Variants in BPIFB6 observed in about 807,000 individuals in gnomAD.
BPIFB6 encodes the protein BPI fold containing family B member 6, also known as BPI fold-containing family B member 6.
In BPIFB6, 47 loss-of-function variants were observed where a neutral mutation model predicts 54.7. That is an observed-to-expected ratio of 0.86 (90% CI 0.68 to 1.10). BPIFB6 has a LOEUF of 1.10. Ranked by LOEUF, BPIFB6 falls within the 50% of genes least tolerant of loss-of-function variation. The pLI is 0.00. For missense variants in BPIFB6, 603 were observed against 564.1 expected (o/e 1.07, Z -0.70); for synonymous variants, 255 against 225.9 (o/e 1.13, Z -1.16).
At chr20:33,041,437 G>A (rs1156253288) in intron 11 of BPIFB6, among the ~76,000 whole-genome samples, 1 of 152,150 alleles carries the variant, frequency 6.6e-6, no homozygotes, top group African/African-American at 2.4e-5. Flanking sequence ...AGACTCACCC[G>A]AGGGACTTTG....
intron 11 of BPIFB6, 120 bp downstream of exon 11, chr20:33,040,438 T>C (rs1979534286): frequency 1.1e-6 from 1 of 893,446 alleles, no homozygotes; most frequent in Non-Finnish European, 1.8e-6. Flanking sequence ...CAGGCTGCTC[T>C]AGCTACTTTT....
chr20:33,044,025 T>G lies in BPIFB6; in HGVS notation c.1340T>G (p.Met447Arg), dbSNP rs190948483. 93 of 1,614,210 alleles carry G rather than the reference T, an allele frequency of 5.8e-5. 1 individual carries two copies. In the East Asian group the frequency reaches 1.9e-3, roughly 32 times the overall value. Residue 447 changes from methionine (M) to arginine (R), a missense_variant, in exon 15 of 15, where the codon ATG becomes AGG. Transcript: ENST00000349552. ...AELDIVENAL[M>R]LDLKLG is the part of the protein sequence containing the mutation. ...TTTGCCTTTTGCCAGAATGCCCTGA[T>G]GCTGGACTTGAAGCTGGGCTGACCA...
rs1979521258 is a variant in BPIFB6 at position 33,040,247 on chromosome 20, C to A, written c.1075-4C>A. 1 of 1,613,856 alleles carries A rather than the reference C, an allele frequency of 6.2e-7. No homozygotes were observed. The highest frequency in any genetic ancestry group is 8.5e-7 in the Non-Finnish European group (1 of 1,179,920). The stretch of plus-strand genomic sequence containing the variant: ...TTCTCCCTGCTTCCTCCCCACCATG[C>A]CAGCACTTCAATCTGAAGGTCCAGT... On this transcript the variant is annotated splice_polypyrimidine_tract_variant and splice_region_variant and intron_variant, in intron 10 of 14. Transcript: ENST00000349552.
chr20:33,040,663 T>C (rs1435835669), intron 11 of BPIFB6, among the ~76,000 whole-genome samples: 1 of 152,238 alleles, frequency 6.6e-6, no homozygotes, highest in East Asian at 1.9e-4. Flanking sequence ...CCAGCTCAAA[T>C]GCCACCTCCT....
intron 2 of BPIFB6, 120 bp from the exon 3 acceptor site, chr20:33,034,066 A>C: frequency 1.3e-6 from 1 of 749,354 alleles, no homozygotes; most frequent in East Asian, 2.5e-5. Context: ...GCTTACCCCC[A>C]TGACATGGGA....
At chr20:33,037,916 T>C (rs1979414504) in intron 8 of BPIFB6, among the ~76,000 whole-genome samples, 178 bp downstream of exon 8, 1 of 152,192 alleles carries the variant, frequency 6.6e-6, no homozygotes, top group South Asian at 2.1e-4. Flanking sequence ...CCTCTGTCCA[T>C]GTAACTACCA....
chr20:33,041,282 C>A (rs913314789), intron 11 of BPIFB6, among the ~76,000 whole-genome samples: 3 of 152,298 alleles, frequency 2.0e-5, no homozygotes, highest in African/African-American at 4.8e-5. Flanking sequence ...AGCCACCACA[C>A]CCGGCCTAAC....
chr20:33,043,912 A>G, intron 14 of BPIFB6, 103 bp from the exon 15 acceptor site: 1 of 1,433,804 alleles, frequency 7.0e-7, no homozygotes, highest in Non-Finnish European at 9.8e-7. Context: ...TTGCTTAACC[A>G]CCACACTGGT....
chr20:33,040,348 C>T (rs769908879), intron 11 of BPIFB6, 30 bp downstream of exon 11: 1 of 1,606,076 alleles, frequency 6.2e-7, no homozygotes, highest in Admixed American at 1.7e-5. Context: ...TGCTGGCATC[C>T]CTGTTACCTT....
At chr20:33,038,225 C>T (rs930695448) in intron 8 of BPIFB6, among the ~76,000 whole-genome samples, 1 of 152,136 alleles carries the variant, frequency 6.6e-6, no homozygotes, top group Non-Finnish European at 1.5e-5. Flanking sequence ...CTTTATCCAT[C>T]CTCCTACTCG....
At chr20:33,035,236 A>C (rs1979286007) in intron 5 of BPIFB6, 92 bp downstream of exon 5, 1 of 1,312,432 alleles carries the variant, frequency 7.6e-7, no homozygotes, top group Non-Finnish European at 1.1e-6. Context: ...GCTGACCCTG[A>C]TTGACTGATA....
chr20:33,042,867 C>A lies in BPIFB6; in HGVS notation c.1241C>A (p.Pro414Gln). ...AGCTATCTCGAAGAAGCCTACATCC[C>A]AGTTGTCAATGGTGAGGGTTCCAAA... ...ITSYLEEAYI[P>Q]VVNDVLQVGL... Residue 414 changes from proline (P) to glutamine (Q), a missense_variant, in exon 13 of 15, where the codon CCA (proline) becomes CAA (glutamine). By Grantham distance (76) the Pro-to-Gln change is moderately conservative. Coordinates refer to ENST00000349552, the MANE Select transcript of BPIFB6 (RefSeq NM_174897.2). 1 of 1,614,056 alleles carries A rather than the reference C, an allele frequency of 6.2e-7. No homozygotes were observed. Among genetic ancestry groups the A allele is most frequent in the South Asian group, 1.1e-5 (1 of 91,070 alleles).
chr20:33,034,308 G>A lies in BPIFB6; in HGVS notation c.302+18G>A. On this transcript the variant is annotated intron_variant, in intron 3 of 14. Coordinates refer to ENST00000349552, the MANE Select transcript of BPIFB6 (RefSeq NM_174897.2). ...GGCAAGAGGTGAGTGTGGCAGGGGA[G>A]GGGCAGCGGGGAGGAGAACGGCCTT... 6.4e-7 allele frequency: 1 copy of A among 1,561,350 alleles called. No individual in the cohort carries two copies. The highest frequency in any genetic ancestry group is 8.8e-7 in the Non-Finnish European group (1 of 1,132,248).
intron 10 of BPIFB6, among the ~76,000 whole-genome samples, chr20:33,039,775 C>A (rs572545965): frequency 8.5e-5 from 13 of 152,364 alleles, no homozygotes; most frequent in African/African-American, 2.9e-4. Flanking sequence ...GTGAAGGGTG[C>A]ACTGAAGGGA....
Position 33,036,466 on chromosome 20 carries a change from T to G in BPIFB6, c.599T>G (p.Met200Arg), listed in dbSNP as rs946634784. The G allele has an allele frequency of 1.2e-6, 2 of 1,613,808 alleles. No homozygotes were observed. The highest frequency in any genetic ancestry group is 2.7e-5 in the African/African-American group (2 of 74,928). Residue 200 changes from methionine to arginine, a missense_variant, in exon 7 of 15, where the codon ATG (methionine) becomes AGG (arginine). Physicochemically the swap from Met to Arg is moderately conservative, Grantham distance 91. Coordinates refer to ENST00000349552, the MANE Select transcript of BPIFB6 (RefSeq NM_174897.2). ...NLSDPMPVGQ[M>R]GTVKYVLMSA... ...ACAGACCCCATGCCTGTGGGCCAGATGGGCACCGTCAAATATGTTCTGATG... is the reference window on the plus strand; with the variant it reads ...ACAGACCCCATGCCTGTGGGCCAGAGGGGCACCGTCAAATATGTTCTGATG...
At chr20:33,035,813 CCCCACTGT>C (rs1446532163) in intron 6 of BPIFB6, 141 bp downstream of exon 6, 2 of 868,964 alleles carry the variant, frequency 2.3e-6, no homozygotes, top group African/African-American at 3.3e-5. Flanking sequence ...ATGTTCATCC[CCCCACTGT>C]CCCGATGGGA....
intron 10 of BPIFB6, among the ~76,000 whole-genome samples, chr20:33,039,924 AG>A (rs1979506198): frequency 6.6e-6 from 1 of 152,202 alleles, no homozygotes; most frequent in Admixed American, 6.5e-5. Context: ...GAGTCTTACC[AG>A]GGAGACTGGG....
At position 33,042,829 on chromosome 20, in the gene BPIFB6, T is replaced by G. The variant is rs200894613; in HGVS notation, c.1203T>G (p.Thr401=). 2 of 1,614,172 alleles carry G rather than the reference T, an allele frequency of 1.2e-6. No individual in the cohort carries two copies. Among genetic ancestry groups the G allele is most frequent in the South Asian group, 2.2e-5 (2 of 91,082 alleles). ...SIGNFNEREL[T]GFITSYLEEA... is the part of the protein sequence containing the mutation. ...CTTCTTTCCAGGAGAGGGAATTAACTGGCTTCATCACCAGCTATCTCGAAG... is the reference window on the plus strand; with the variant it reads ...CTTCTTTCCAGGAGAGGGAATTAACGGGCTTCATCACCAGCTATCTCGAAG... The change falls in exon 13 of 15, where the codon ACT becomes ACG. Residue 401 remains threonine, a synonymous_variant. Transcript: ENST00000349552.
At chr20:33,040,216 A>C (rs755624736) in intron 10 of BPIFB6, 35 bp from the exon 11 acceptor site, 7 of 1,601,794 alleles carry the variant, frequency 4.4e-6, no homozygotes, top group Non-Finnish European at 6.0e-6. Context: ...TGGGGAACCC[A>C]CTGCCTTCTC....
Sources: allele counts gnomAD v4.1 joint callset (sites outside exome capture counted in the v4.1 genomes callset), GRCh38; gene constraint gnomAD v4.1.1; transcripts MANE v1.5; gene names NCBI Gene and HGNC (gene_info 2026-07-23, HGNC 2026-07-21).